The following PITPNC1 variants were observed in gnomAD, a reference collection of about 807,000 sequenced individuals.
PITPNC1 encodes cytoplasmic phosphatidylinositol transfer protein 1.
A neutral mutation model predicts 44.7 loss-of-function variants in PITPNC1; 18 were observed. The observed-to-expected ratio is 0.40, with a 90% CI of 0.28 to 0.60. The LOEUF (loss-of-function observed/expected upper bound fraction) is 0.60, where lower values mean the gene tolerates loss of function less well. PITPNC1 is among the 20% of genes least tolerant of loss of function. The pLI, the probability that PITPNC1 is intolerant of heterozygous loss-of-function variation, is 0.39. For synonymous variants in PITPNC1, 141 were observed against 149.6 expected (o/e 0.94, Z 0.42); for missense variants, 290 against 418.4 (o/e 0.69, Z 2.68).
intron 4 of PITPNC1, among the ~76,000 whole-genome samples, chr17:67,561,289 C>T (rs559483407): frequency 2.0e-5 from 3 of 152,134 alleles, no homozygotes; most frequent in Non-Finnish European, 4.4e-5. Context: ...AACCCCACCT[C>T]TACTAAAAAT....
At chr17:67,494,366 A>C (rs1306036048) in intron 1 of PITPNC1, among the ~76,000 whole-genome samples, 1 of 151,362 alleles carries the variant, frequency 6.6e-6, no homozygotes, top group Non-Finnish European at 1.5e-5. Flanking sequence ...CGTCTGGCTA[A>C]TTTTTGTTTT....
chr17:67,558,213 T>A (rs1375939090), intron 4 of PITPNC1, among the ~76,000 whole-genome samples: 1 of 152,114 alleles, frequency 6.6e-6, no homozygotes, highest in Non-Finnish European at 1.5e-5. Context: ...TGTGAGTGAC[T>A]GCGTGTGTTT....
chr17:67,636,380 A>G (rs1343689758), intron 6 of PITPNC1, among the ~76,000 whole-genome samples: 1 of 151,222 alleles, frequency 6.6e-6, no homozygotes, highest in Non-Finnish European at 1.5e-5. Context: ...TTGAAGATGG[A>G]TGGAACTCTG....
chr17:67,383,041 G>A (rs560879093), intron 1 of PITPNC1, among the ~76,000 whole-genome samples: 8 of 151,920 alleles, frequency 5.3e-5, no homozygotes, highest in East Asian at 1.9e-4. Flanking sequence ...TTTCACCCAG[G>A]CTGGAGTGCA....
intron 6 of PITPNC1, among the ~76,000 whole-genome samples, chr17:67,650,877 CAG>C (rs934915695): frequency 1.4e-4 from 22 of 152,162 alleles, no homozygotes; most frequent in Non-Finnish European, 2.5e-4. Flanking sequence ...GGGTACAAAA[CAG>C]AAACATTCCC....
chr17:67,416,203 C>CTTTTTTTTT lies in PITPNC1; in HGVS notation c.48+38018_48+38026dup, dbSNP rs71687631. On this transcript the variant is annotated intron_variant, in intron 1 of 8. Transcript: ENST00000581322. ...TCCCTTTCCTTGTTTACATGTATTG[C>CTTTTTTTTT]TTTTTTTTTTTTTTTTTTTTTTTTT... Among the ~76,000 whole-genome samples the CTTTTTTTTT allele has an allele frequency of 7.0e-4, 47 of 67,622 alleles. 1 individual carries two copies. Among genetic ancestry groups the CTTTTTTTTT allele is most frequent in the East Asian group, 1.4e-3 (3 of 2,178 alleles). The allele number at this position is 67,622 out of a possible 152,430, so 44.4% of individuals were successfully genotyped here.
intron 1 of PITPNC1, among the ~76,000 whole-genome samples, chr17:67,436,210 A>C (rs2038935020): frequency 6.6e-6 from 1 of 152,010 alleles, no homozygotes; most frequent in African/African-American, 2.4e-5. Flanking sequence ...TTTCTTGCCC[A>C]GGCTGGTCTT....
At chr17:67,494,172 T>TTTCC (rs2039900194) in intron 1 of PITPNC1, among the ~76,000 whole-genome samples, 1 of 64,642 alleles carries the variant, frequency 1.5e-5, no homozygotes, top group South Asian at 6.4e-4. Flanking sequence ...TCTTTCTTTC[T>TTTCC]TTCTTTCTTT....
chr17:67,580,577 G>A (rs1351180224), intron 5 of PITPNC1, among the ~76,000 whole-genome samples: 1 of 152,120 alleles, frequency 6.6e-6, no homozygotes, highest in Non-Finnish European at 1.5e-5. Flanking sequence ...CTGGACTCAA[G>A]CAATCTGCCT....
chr17:67,671,390 TC>T (rs2042509528), intron 7 of PITPNC1, among the ~76,000 whole-genome samples: 1 of 152,202 alleles, frequency 6.6e-6, no homozygotes, highest in African/African-American at 2.4e-5. Flanking sequence ...TGTTTATTTT[TC>T]CACTTAAAAA....
chr17:67,546,693 C>A (rs2040688757), intron 2 of PITPNC1, among the ~76,000 whole-genome samples: 1 of 152,180 alleles, frequency 6.6e-6, no homozygotes, highest in Non-Finnish European at 1.5e-5. Context: ...AATCCTGACA[C>A]AAACTGTCTT....
intron 1 of PITPNC1, among the ~76,000 whole-genome samples, chr17:67,386,749 C>CT (rs1347616897): frequency 5.9e-5 from 9 of 152,288 alleles, no homozygotes; most frequent in Non-Finnish European, 1.3e-4. Flanking sequence ...GGCCTGTTTT[C>CT]TGTTGCCTGG....
intron 4 of PITPNC1, among the ~76,000 whole-genome samples, chr17:67,557,686 C>T (rs1051040890): frequency 3.3e-5 from 5 of 152,358 alleles, no homozygotes; most frequent in African/African-American, 9.6e-5. Context: ...CGTGTTCTCA[C>T]GCTCTCTGTC....
chr17:67,535,528 C>T (rs2040515912), intron 2 of PITPNC1, among the ~76,000 whole-genome samples: 1 of 152,178 alleles, frequency 6.6e-6, no homozygotes, highest in South Asian at 2.1e-4. Context: ...AGGCATCCAG[C>T]TCTCCCTGTC....
intron 5 of PITPNC1, among the ~76,000 whole-genome samples, chr17:67,606,883 C>T (rs2041615589): frequency 1.3e-5 from 2 of 152,154 alleles, no homozygotes; most frequent in South Asian, 2.1e-4. Context: ...AGATTGTTCT[C>T]CTTGGTTATC....
At chr17:67,543,163 C>T (rs749896694) in intron 2 of PITPNC1, among the ~76,000 whole-genome samples, 7 of 152,206 alleles carry the variant, frequency 4.6e-5, no homozygotes, top group Non-Finnish European at 8.8e-5. Context: ...CAGAAATCAA[C>T]AGCCCCATGA....
chr17:67,391,467 T>G (rs1041700685), intron 1 of PITPNC1, among the ~76,000 whole-genome samples: 13 of 152,042 alleles, frequency 8.6e-5, no homozygotes, highest in African/African-American at 3.1e-4. Context: ...TGAAAATAAC[T>G]AGTTTATGTA....
chr17:67,550,921 C>T lies in PITPNC1; in HGVS notation c.198-1336C>T, dbSNP rs1384266917. On this transcript the variant is annotated intron_variant, in intron 2 of 8. Transcript: ENST00000581322. Reference sequence around the variant, plus strand: ...CTAAAAATACAAAAAATTAGCCGGGCGTGGTGGCTGGCGCCTGTAGTCCCA... The same window carrying T: ...CTAAAAATACAAAAAATTAGCCGGGTGTGGTGGCTGGCGCCTGTAGTCCCA... 3.3e-5 allele frequency among the ~76,000 whole-genome samples: 5 copies of T among 152,144 alleles called. No individual in the cohort carries two copies. In the East Asian group the frequency reaches 9.6e-4, roughly 29 times the overall value.
intron 1 of PITPNC1, among the ~76,000 whole-genome samples, chr17:67,516,074 C>A (rs138237680): frequency 4.9e-4 from 74 of 152,170 alleles, no homozygotes; most frequent in Non-Finnish European, 8.2e-4. Flanking sequence ...GATTTTGTAC[C>A]CCTGGGTTAC....
Sources: allele counts gnomAD v4.1 joint callset (sites outside exome capture counted in the v4.1 genomes callset), GRCh38; gene constraint gnomAD v4.1.1; transcripts MANE v1.5; gene names NCBI Gene and HGNC (gene_info 2026-07-23, HGNC 2026-07-21).